The following SHISA6 variants were observed in gnomAD, a reference collection of about 807,000 sequenced individuals.
SHISA6 encodes protein shisa-6.
In SHISA6, 22 loss-of-function variants were observed where a neutral mutation model predicts 47.9. The ratio of observed to expected loss-of-function variants is 0.46; its 90% CI spans 0.33 to 0.66. The LOEUF is 0.66. SHISA6 is among the 30% of genes least tolerant of loss of function. The probability of loss-of-function intolerance (pLI) is 0.02; values close to 1 mark genes in which losing one functional copy is unlikely to be tolerated. For synonymous variants in SHISA6, 388 were observed against 337.8 expected (o/e 1.15, Z -1.63); for missense variants, 680 against 764.6 (o/e 0.89, Z 1.30).
chr17:11,418,722 A>G (rs1914359241), intron 3 of SHISA6, among the ~76,000 whole-genome samples: 1 of 152,210 alleles, frequency 6.6e-6, no homozygotes, highest in African/African-American at 2.4e-5. Flanking sequence ...TGGTTTGTTG[A>G]AAAGGCTGAT....
intron 3 of SHISA6, among the ~76,000 whole-genome samples, chr17:11,504,691 G>C (rs1360039628): frequency 2.0e-5 from 3 of 152,114 alleles, no homozygotes; most frequent in African/African-American, 7.2e-5. Flanking sequence ...GAACATCAGG[G>C]TCAACTCAGC....
intron 3 of SHISA6, among the ~76,000 whole-genome samples, chr17:11,391,508 G>A (rs904617960): frequency 6.6e-6 from 1 of 152,186 alleles, no homozygotes; most frequent in Non-Finnish European, 1.5e-5. Context: ...AGACCTCTGT[G>A]TGTGGCTGAC....
chr17:11,441,865 G>A (rs1915103137), intron 3 of SHISA6, among the ~76,000 whole-genome samples: 1 of 152,104 alleles, frequency 6.6e-6, no homozygotes, highest in Non-Finnish European at 1.5e-5. Context: ...AACTTCCAAG[G>A]GGGCCTTCTG....
At chr17:11,348,790 A>C (rs1489430073) in intron 2 of SHISA6, among the ~76,000 whole-genome samples, 1 of 152,218 alleles carries the variant, frequency 6.6e-6, no homozygotes, top group East Asian at 1.9e-4. Flanking sequence ...AAAATGGAAT[A>C]ATATTTCATG....
intron 1 of SHISA6, among the ~76,000 whole-genome samples, chr17:11,252,913 C>G (rs922228596): frequency 6.6e-6 from 1 of 152,126 alleles, no homozygotes; most frequent in Non-Finnish European, 1.5e-5. Flanking sequence ...CTGAAGTTTC[C>G]CAGGAATGGT....
intron 4 of SHISA6, among the ~76,000 whole-genome samples, chr17:11,554,668 A>G (rs1023395824): frequency 6.6e-6 from 1 of 152,136 alleles, no homozygotes; most frequent in Non-Finnish European, 1.5e-5. Context: ...TAGCCTTCCA[A>G]CTGCCTCACT....
At chr17:11,531,211 CTGTGTGTGTGTGTGTG>C (rs58392834) in intron 3 of SHISA6, among the ~76,000 whole-genome samples, 39,591 of 134,028 alleles carry the variant, frequency 0.3, 5,360 homozygotes, top group East Asian at 0.35. Context: ...GGTTACTACT[CTGTGTGTGTGTGTGTG>C]TGTGTGTGTG....
rs1033653748 is a variant in SHISA6 at position 11,552,921 on chromosome 17, T to C, written c.952+969T>C. 5.9e-5 allele frequency among the ~76,000 whole-genome samples: 9 copies of C among 152,126 alleles called. No homozygotes were observed. The East Asian group carries it at 7.7e-4, about 13-fold the overall frequency. On this transcript the variant is annotated intron_variant, in intron 4 of 5. Coordinates refer to ENST00000441885, the MANE Select transcript of SHISA6 (RefSeq NM_207386.4). ...AAAGAGGTTGATACCAGTGGTGATG[T>C]TGACAGTGGGAAAAGAAAGGACGGT...
At chr17:11,345,078 A>C (rs1911655336) in intron 2 of SHISA6, among the ~76,000 whole-genome samples, 2 of 152,130 alleles carry the variant, frequency 1.3e-5, no homozygotes, top group Non-Finnish European at 2.9e-5. Flanking sequence ...AATATCCTCC[A>C]TTCTTATCCA....
At position 11,263,422 on chromosome 17, in the gene SHISA6, G is replaced by A. The variant is rs1908311375; in HGVS notation, c.695G>A (p.Arg232Lys). 6.4e-7 allele frequency: 1 copy of A among 1,552,054 alleles called. No homozygotes were observed. The highest frequency in any genetic ancestry group is 8.7e-7 in the Non-Finnish European group (1 of 1,147,094). ...CCAATCCCCATAGCACACTGTGAAA[G>A]AGAAACTATCTCGGCTATCGATACC... The part of the protein sequence containing the change: ...QGPIPIAHCE[R>K]ETISAIDTSP... Residue 232 changes from arginine (R) to lysine (K), a missense_variant, in exon 2 of 6, where the codon AGA (arginine) becomes AAA (lysine). By Grantham distance (26) the Arg-to-Lys change is conservative. Coordinates refer to ENST00000441885, the MANE Select transcript of SHISA6 (RefSeq NM_207386.4).
At chr17:11,545,639 C>T (rs554213552) in intron 3 of SHISA6, among the ~76,000 whole-genome samples, 1 of 152,296 alleles carries the variant, frequency 6.6e-6, no homozygotes, top group East Asian at 1.9e-4. Flanking sequence ...ATTTAGCTTG[C>T]TTATATGTCT....
At chr17:11,380,530 T>C (rs1414746472) in intron 3 of SHISA6, 1 of 152,166 alleles carries the variant, frequency 6.6e-6, no homozygotes, top group Non-Finnish European at 1.5e-5. Context: ...GAATGGGAAA[T>C]GGACTTCACA....
chr17:11,298,940 A>G (rs771523391), intron 2 of SHISA6, among the ~76,000 whole-genome samples: 1 of 152,184 alleles, frequency 6.6e-6, no homozygotes, highest in Non-Finnish European at 1.5e-5. Context: ...GATGGTAGAA[A>G]ATCAGAGTCA....
At chr17:11,322,725 C>T (rs112599309) in intron 2 of SHISA6, among the ~76,000 whole-genome samples, 258 of 152,310 alleles carry the variant, frequency 1.7e-3, no homozygotes, top group African/African-American at 5.8e-3. Flanking sequence ...TATGTGCATA[C>T]ATGGGTTGAT....
At chr17:11,534,535 C>G (rs1462390665) in intron 3 of SHISA6, among the ~76,000 whole-genome samples, 1 of 152,014 alleles carries the variant, frequency 6.6e-6, no homozygotes, top group African/African-American at 2.4e-5. Flanking sequence ...TTAGAAGACA[C>G]AAGGCATGTA....
At chr17:11,243,452 C>A (rs568228527) in intron 1 of SHISA6, among the ~76,000 whole-genome samples, 172 of 152,190 alleles carry the variant, frequency 1.1e-3, no homozygotes, top group South Asian at 5.4e-3. Context: ...AAGGCTCTGT[C>A]ACCCTGAGGT....
chr17:11,439,998 G>A (rs942326626), intron 3 of SHISA6, among the ~76,000 whole-genome samples: 1 of 152,210 alleles, frequency 6.6e-6, no homozygotes, highest in African/African-American at 2.4e-5. Flanking sequence ...GTGGGGAATA[G>A]TAGGGTGCAC....
In SHISA6 at chr17:11,553,582, A is replaced by C. The variant is rs1007010256; in HGVS notation, c.952+1630A>C. 6.6e-5 allele frequency among the ~76,000 whole-genome samples: 10 copies of C among 152,242 alleles called. No individual in the cohort carries two copies. In the South Asian group the frequency reaches 1.0e-3, roughly 16 times the overall value. On this transcript the variant is annotated intron_variant, in intron 4 of 5. Transcript: ENST00000441885. ...AGTTTTCTCTGCATTGCTTTCTTGGATGTTCCCTTCTTTCCCAGGAGCTGG... is the reference window on the plus strand; with the variant it reads ...AGTTTTCTCTGCATTGCTTTCTTGGCTGTTCCCTTCTTTCCCAGGAGCTGG...
At chr17:11,330,302 T>A (rs1911050763) in intron 2 of SHISA6, among the ~76,000 whole-genome samples, 2 of 152,038 alleles carry the variant, frequency 1.3e-5, no homozygotes, top group South Asian at 4.1e-4. Context: ...ACAGCATTCT[T>A]GTGGAAAGAG....
Sources: gnomAD v4.1 joint callset for allele counts (sites outside exome capture counted in the v4.1 genomes callset) on GRCh38, gnomAD v4.1.1 for gene constraint, MANE v1.5 for transcripts, NCBI Gene and HGNC (gene_info 2026-07-23, HGNC 2026-07-21) for gene names.